NEDD4L: variants seen among roughly 807,000 people sequenced by gnomAD.
The protein encoded by NEDD4L is E3 ubiquitin-protein ligase NEDD4-like.
In NEDD4L, 54 loss-of-function variants were observed where a neutral mutation model predicts 148.9. The ratio of observed to expected loss-of-function variants is 0.36; its 90% CI spans 0.29 to 0.45. NEDD4L has a LOEUF of 0.45. Among genes scored for constraint, NEDD4L ranks in the 20% least tolerant of loss-of-function variants. The probability of loss-of-function intolerance (pLI) is 1.00; values close to 1 mark genes in which losing one functional copy is unlikely to be tolerated. For missense variants in NEDD4L, 856 were observed against 1,233.8 expected, an observed-to-expected ratio of 0.69 and a Z score of 4.59; for synonymous variants, 433 against 440.7, an observed-to-expected ratio of 0.98 and a Z score of 0.22.
chr18:58,251,574 C>A (rs1318102201), intron 4 of NEDD4L, among the ~76,000 whole-genome samples: 5 of 152,038 alleles, frequency 3.3e-5, no homozygotes, highest in Non-Finnish European at 5.9e-5. Context: ...TCTACACACA[C>A]ACACACACAG....
At chr18:58,382,145 A>G (rs965735612) in intron 24 of NEDD4L, among the ~76,000 whole-genome samples, 4 of 152,226 alleles carry the variant, frequency 2.6e-5, no homozygotes, top group African/African-American at 7.2e-5. Context: ...TTACGTTGAA[A>G]AGCCATCTCA....
At chr18:58,220,779 A>G (rs1194394838) in intron 2 of NEDD4L, among the ~76,000 whole-genome samples, 2 of 152,126 alleles carry the variant, frequency 1.3e-5, no homozygotes, top group South Asian at 4.2e-4. Context: ...CAGCAAGAGG[A>G]AAGAGAAGTA....
intron 1 of NEDD4L, among the ~76,000 whole-genome samples, chr18:58,150,729 G>A (rs1182612294): frequency 1.3e-5 from 2 of 152,214 alleles, no homozygotes. Flanking sequence ...TCCATCAGGT[G>A]ACTGACCCCT....
intron 16 of NEDD4L, among the ~76,000 whole-genome samples, chr18:58,346,562 T>C (rs1243159608): frequency 6.6e-6 from 1 of 152,242 alleles, no homozygotes; most frequent in Admixed American, 6.5e-5. Context: ...CTAGGTGTGG[T>C]TGCTGGTCTC....
intron 17 of NEDD4L, among the ~76,000 whole-genome samples, chr18:58,349,905 A>G (rs1054135975): frequency 6.6e-6 from 1 of 152,144 alleles, no homozygotes; most frequent in African/African-American, 2.4e-5. Context: ...TTTAAGTGGC[A>G]CTCATTCATT....
chr18:58,267,493 G>A (rs1040636543), intron 5 of NEDD4L, among the ~76,000 whole-genome samples: 2 of 152,066 alleles, frequency 1.3e-5, no homozygotes, highest in African/African-American at 4.8e-5. Context: ...TTGCAGAAGT[G>A]CATGTCGCCT....
Position 58,396,116 on chromosome 18 carries a change from C to G in NEDD4L, c.2826-51C>G. 7 of 1,221,406 alleles carry G rather than the reference C, an allele frequency of 5.7e-6. No individual in the cohort carries two copies. The South Asian group carries it at 6.2e-5, about 11-fold the overall frequency. 75.7% of individuals were successfully genotyped at this position (1,221,406 alleles called of 1,614,324 possible). On this transcript the variant is annotated intron_variant, in intron 30 of 30. Transcript: ENST00000400345. ...AAACCTCATGCCCTATTAACCAGAT[C>G]GAGGAAGTGCTGTTGTGGCTTTTCA...
intron 13 of NEDD4L, among the ~76,000 whole-genome samples, chr18:58,339,375 G>C (rs1175623258): frequency 6.6e-6 from 1 of 152,184 alleles, no homozygotes; most frequent in African/African-American, 2.4e-5. Flanking sequence ...GATCCACGTA[G>C]CTCTTTGTGT....
intron 13 of NEDD4L, 128 bp downstream of exon 13, chr18:58,335,665 G>A (rs778604190): frequency 2.9e-4 from 212 of 729,072 alleles, no homozygotes; most frequent in Non-Finnish European, 3.3e-4. Context: ...AGCTGCACAC[G>A]TTTCTTATTT....
chr18:58,318,605 C>T (rs1356054385), intron 6 of NEDD4L, among the ~76,000 whole-genome samples: 1 of 152,236 alleles, frequency 6.6e-6, no homozygotes, highest in African/African-American at 2.4e-5. Flanking sequence ...ACTGTACCAT[C>T]ATTGACTTTT....
chr18:58,344,129 A>G (rs1418772929), intron 16 of NEDD4L, among the ~76,000 whole-genome samples: 2 of 152,206 alleles, frequency 1.3e-5, no homozygotes, highest in Non-Finnish European at 2.9e-5. Flanking sequence ...CAATAAACAT[A>G]CACCATTAAT....
Position 58,266,779 on chromosome 18 carries a change from A to T in NEDD4L, c.297+14725A>T, listed in dbSNP as rs146103973. On this transcript the variant is annotated intron_variant, in intron 5 of 30. Coordinates refer to ENST00000400345, the MANE Select transcript of NEDD4L (RefSeq NM_001144967.3). ...ACTTTGGAGTGATTTTTAAACACTT[A>T]AGTATTTTTAAATGATAAGACCAAT... Among the ~76,000 whole-genome samples the T allele has an allele frequency of 1.2e-4, 19 of 152,256 alleles. No homozygotes were observed. The East Asian group carries it at 3.3e-3, about 26-fold the overall frequency.
At chr18:58,064,451 C>CT (rs1210051106) in intron 1 of NEDD4L, among the ~76,000 whole-genome samples, 2 of 152,140 alleles carry the variant, frequency 1.3e-5, no homozygotes, top group Non-Finnish European at 2.9e-5. Flanking sequence ...TATTAAAACT[C>CT]TATCATCTGT....
At chr18:58,290,301 A>G (rs549157933) in intron 5 of NEDD4L, among the ~76,000 whole-genome samples, 1 of 152,386 alleles carries the variant, frequency 6.6e-6, no homozygotes, top group South Asian at 2.1e-4. Flanking sequence ...ATTAAAGTGC[A>G]ACATGTTTGT....
At chr18:58,237,547 T>C (rs1024400057) in intron 2 of NEDD4L, among the ~76,000 whole-genome samples, 2 of 152,240 alleles carry the variant, frequency 1.3e-5, no homozygotes, top group African/African-American at 4.8e-5. Flanking sequence ...AATCTTCCTT[T>C]TTGTGACTTC....
At chr18:58,323,972 C>T (rs2059084445) in intron 8 of NEDD4L, among the ~76,000 whole-genome samples, 1 of 152,146 alleles carries the variant, frequency 6.6e-6, no homozygotes, top group Non-Finnish European at 1.5e-5. Context: ...CGAGACCTCT[C>T]TAGGGCTTAT....
intron 1 of NEDD4L, among the ~76,000 whole-genome samples, chr18:58,077,011 C>T (rs144630073): frequency 0.025 from 3,819 of 151,734 alleles, 100 homozygotes; most frequent in Non-Finnish European, 0.029. Context: ...CCACTATACC[C>T]GGCTAATTTT....
At chr18:58,242,036 G>T (rs1472118969) in intron 2 of NEDD4L, among the ~76,000 whole-genome samples, 1 of 152,078 alleles carries the variant, frequency 6.6e-6, no homozygotes, top group Non-Finnish European at 1.5e-5. Flanking sequence ...GAGCTTCATT[G>T]TGAGTAAGAG....
At chr18:58,295,057 C>G (rs2055357224) in intron 5 of NEDD4L, among the ~76,000 whole-genome samples, 1 of 152,206 alleles carries the variant, frequency 6.6e-6, no homozygotes. Context: ...CCCTCATCAT[C>G]AGCATCCCCC....
Sources: gnomAD v4.1 joint callset for allele counts (sites outside exome capture counted in the v4.1 genomes callset) on GRCh38, gnomAD v4.1.1 for gene constraint, MANE v1.5 for transcripts, NCBI Gene and HGNC (gene_info 2026-07-23, HGNC 2026-07-21) for gene names.